The following SUGCT variants were observed in gnomAD, a reference collection of about 807,000 sequenced individuals.
SUGCT encodes succinyl-CoA:glutarate CoA-transferase.
SUGCT carries 41 observed loss-of-function variants against 55.0 expected under a neutral mutation model. The observed-to-expected ratio is 0.74, with a 90% CI of 0.58 to 0.97. SUGCT has a LOEUF of 0.97. Among genes scored for constraint, SUGCT ranks in the 50% least tolerant of loss-of-function variants. SUGCT has a pLI of 0.00. For synonymous variants in SUGCT, 187 were observed against 200.4 expected (o/e 0.93, Z 0.56); for missense variants, 568 against 547.8 (o/e 1.04, Z -0.37).
At chr7:40,770,852 C>T (rs1316613595) in intron 13 of SUGCT, among the ~76,000 whole-genome samples, 1 of 152,182 alleles carries the variant, frequency 6.6e-6, no homozygotes, top group Admixed American at 6.5e-5. Flanking sequence ...AATACCTTCA[C>T]TCACTGTGTC....
In SUGCT at chr7:40,407,463, G is replaced by A. The variant is rs200967772; in HGVS notation, c.817-41824G>A. 1.1e-4 allele frequency among the ~76,000 whole-genome samples: 16 copies of A among 151,468 alleles called. No individual in the cohort carries two copies. The East Asian group carries it at 2.9e-3, about 28-fold the overall frequency. The stretch of plus-strand genomic sequence containing the variant: ...AATATAAAATATTATATTAAAACTG[G>A]CAAAAATTAAAAAAAAGAAGTACGT... On this transcript the variant is annotated intron_variant, in intron 9 of 13. Transcript: ENST00000335693.
intron 12 of SUGCT, among the ~76,000 whole-genome samples, chr7:40,559,395 T>C (rs915577066): frequency 6.6e-6 from 1 of 152,252 alleles, no homozygotes; most frequent in Non-Finnish European, 1.5e-5. Context: ...GTATGTCTTA[T>C]TTGTCGTGCT....
At chr7:40,913,570 CA>C in the SUGCT span, among the ~76,000 whole-genome samples, 26 of 152,236 alleles carry the variant, frequency 1.7e-4, no homozygotes, top group South Asian at 5.2e-3. Flanking sequence ...GAGATTTTGC[CA>C]AAATAATGCT....
chr7:40,914,047 AT>A, the SUGCT span, among the ~76,000 whole-genome samples: 398 of 144,536 alleles, frequency 2.8e-3, 3 homozygotes, highest in Admixed American at 0.015. Flanking sequence ...TTAAGTCAAG[AT>A]TTTTTTTTTT....
intron 12 of SUGCT, among the ~76,000 whole-genome samples, chr7:40,597,416 T>C (rs1364615232): frequency 2.0e-5 from 3 of 152,166 alleles, no homozygotes; most frequent in Non-Finnish European, 4.4e-5. Context: ...CAGTAAAATA[T>C]AATTCAATTT....
At chr7:40,699,791 C>G (rs187953224) in intron 12 of SUGCT, among the ~76,000 whole-genome samples, 67 of 152,192 alleles carry the variant, frequency 4.4e-4, no homozygotes, top group African/African-American at 1.6e-3. Flanking sequence ...ATTGCTTGAA[C>G]CCGGGAGGTG....
the SUGCT span, among the ~76,000 whole-genome samples, chr7:40,960,679 T>A: frequency 6.6e-6 from 1 of 152,228 alleles, no homozygotes; most frequent in South Asian, 2.1e-4. Flanking sequence ...GGTAACTTTT[T>A]CAATTTGTTG....
At chr7:40,147,048 C>G (rs1788283024) in intron 1 of SUGCT, among the ~76,000 whole-genome samples, 1 of 97,204 alleles carries the variant, frequency 1.0e-5, no homozygotes, top group Admixed American at 9.5e-5. Context: ...CTCTTTCTCT[C>G]TCTTTCTTCT....
At chr7:40,643,662 A>T (rs1164637903) in intron 12 of SUGCT, among the ~76,000 whole-genome samples, 16 of 152,246 alleles carry the variant, frequency 1.1e-4, no homozygotes, top group Admixed American at 1.0e-3. Flanking sequence ...TCTTCTCTAA[A>T]TATCAGAATG....
intron 12 of SUGCT, among the ~76,000 whole-genome samples, chr7:40,701,895 T>G (rs926458371): frequency 6.6e-6 from 1 of 152,212 alleles, no homozygotes; most frequent in African/African-American, 2.4e-5. Context: ...CTCTAAAAAC[T>G]TAGCCTCAGA....
At chr7:40,655,710 T>C (rs1298838984) in intron 12 of SUGCT, among the ~76,000 whole-genome samples, 3 of 152,206 alleles carry the variant, frequency 2.0e-5, no homozygotes, top group Admixed American at 6.5e-5. Context: ...GGGACAGTGG[T>C]GAAATCAAAA....
intron 13 of SUGCT, among the ~76,000 whole-genome samples, chr7:40,786,220 CAT>C (rs1216181166): frequency 5.3e-5 from 8 of 152,120 alleles, no homozygotes; most frequent in African/African-American, 9.7e-5. Flanking sequence ...TGATTTCAGA[CAT>C]GTGTGTTGAC....
chr7:40,658,302 T>C (rs1801127535), intron 12 of SUGCT, among the ~76,000 whole-genome samples: 1 of 152,216 alleles, frequency 6.6e-6, no homozygotes, highest in Non-Finnish European at 1.5e-5. Context: ...TTTCCAGTTA[T>C]TGTTTCAACT....
intron 10 of SUGCT, among the ~76,000 whole-genome samples, chr7:40,457,019 C>T (rs947180563): frequency 2.6e-5 from 4 of 151,790 alleles, no homozygotes; most frequent in Non-Finnish European, 5.9e-5. Context: ...TATTTTTTCT[C>T]TTCTCCTTTC....
the SUGCT span, among the ~76,000 whole-genome samples, chr7:41,002,044 A>C: frequency 4.6e-5 from 7 of 152,094 alleles, no homozygotes; most frequent in Non-Finnish European, 7.3e-5. Context: ...GTTTATTTTG[A>C]GAGTCTTGCT....
At chr7:40,817,652 T>G (rs1402116407) in intron 13 of SUGCT, among the ~76,000 whole-genome samples, 1 of 152,154 alleles carries the variant, frequency 6.6e-6, no homozygotes, top group Non-Finnish European at 1.5e-5. Context: ...ACAACTGTCA[T>G]TAGGATTCAA....
the SUGCT span, among the ~76,000 whole-genome samples, chr7:40,956,900 T>G: frequency 1.3e-5 from 2 of 152,180 alleles, no homozygotes; most frequent in African/African-American, 4.8e-5. Flanking sequence ...AGGAGCAGGT[T>G]GTTCAGTTTC....
chr7:40,923,843 A>G, the SUGCT span, among the ~76,000 whole-genome samples: 2 of 152,174 alleles, frequency 1.3e-5, no homozygotes, highest in African/African-American at 2.4e-5. Flanking sequence ...CTTGATCTCC[A>G]TGAACTGTGA....
the SUGCT span, among the ~76,000 whole-genome samples, chr7:40,871,017 T>C: frequency 3.9e-5 from 6 of 152,192 alleles, no homozygotes; most frequent in Non-Finnish European, 8.8e-5. Context: ...TTTCCTACAA[T>C]AGCCCTGGAA....
Sources: gnomAD v4.1 joint callset for allele counts (sites outside exome capture counted in the v4.1 genomes callset) on GRCh38, gnomAD v4.1.1 for gene constraint, MANE v1.5 for transcripts, NCBI Gene and HGNC (gene_info 2026-07-23, HGNC 2026-07-21) for gene names.